The following ZNF136 variants were observed in gnomAD, a reference collection of about 807,000 sequenced individuals.
The protein encoded by ZNF136 is zinc finger protein 136.
A neutral mutation model predicts 11.4 loss-of-function variants in ZNF136; 8 were observed. The ratio of observed to expected loss-of-function variants is 0.70; its 90% CI spans 0.41 to 1.27. The LOEUF (loss-of-function observed/expected upper bound fraction) is 1.27. ZNF136 is among the 50% of genes most tolerant of loss of function. The pLI is 0.01. For missense variants in ZNF136, 590 were observed against 656.5 expected (o/e 0.90, Z 1.11); for synonymous variants, 190 against 207.1 (o/e 0.92, Z 0.71).
At chr19:12,163,238 G>C (rs1439472506) in intron 1 of ZNF136, 32 bp downstream of exon 1, 4 of 1,374,992 alleles carry the variant, frequency 2.9e-6, no homozygotes, top group Non-Finnish European at 3.8e-6. Flanking sequence ...TCCCGAGACA[G>C]GGAGGAGGGG....
intron 1 of ZNF136, among the ~76,000 whole-genome samples, chr19:12,171,952 T>A (rs527268958): frequency 1.3e-5 from 2 of 151,786 alleles, no homozygotes; most frequent in Admixed American, 6.6e-5. Flanking sequence ...TTTAAAATTT[T>A]AAAATTTTTT....
chr19:12,163,392 C>T (rs895156562), intron 1 of ZNF136, among the ~76,000 whole-genome samples, 186 bp downstream of exon 1: 1 of 152,220 alleles, frequency 6.6e-6, no homozygotes, highest in Non-Finnish European at 1.5e-5. Context: ...GCCGGGACCC[C>T]GGGCGTCCTC....
At chr19:12,182,917 C>T (rs2145639543) in intron 1 of ZNF136, among the ~76,000 whole-genome samples, 1 of 152,140 alleles carries the variant, frequency 6.6e-6, no homozygotes, top group East Asian at 1.9e-4. Flanking sequence ...ATTTTGTCAC[C>T]TTAAGAAGAT....
At chr19:12,171,978 CTTTTTT>C (rs57769136) in intron 1 of ZNF136, among the ~76,000 whole-genome samples, 1 of 129,546 alleles carries the variant, frequency 7.7e-6, no homozygotes. Flanking sequence ...CTCTCTCTCT[CTTTTTT>C]TTTTTTTTTT....
intron 1 of ZNF136, among the ~76,000 whole-genome samples, chr19:12,165,507 A>T (rs900394208): frequency 1.3e-5 from 2 of 152,204 alleles, no homozygotes; most frequent in South Asian, 4.1e-4. Context: ...TCCACATTTT[A>T]AAAATTCTTA....
At chr19:12,172,097 G>A (rs1377677037) in intron 1 of ZNF136, among the ~76,000 whole-genome samples, 2 of 151,016 alleles carry the variant, frequency 1.3e-5, no homozygotes, top group Admixed American at 1.3e-4. Flanking sequence ...CAGTGCTTCA[G>A]CCTTCCGAGT....
chr19:12,172,592 C>A (rs1358091546), intron 1 of ZNF136, among the ~76,000 whole-genome samples: 1 of 152,158 alleles, frequency 6.6e-6, no homozygotes, highest in Non-Finnish European at 1.5e-5. Flanking sequence ...CTGTTCCTAC[C>A]AAGAGAGCCC....
intron 1 of ZNF136, among the ~76,000 whole-genome samples, chr19:12,172,165 G>T (rs1380437736): frequency 6.6e-6 from 1 of 151,882 alleles, no homozygotes; most frequent in African/African-American, 2.4e-5. Flanking sequence ...TTTTAGTAGA[G>T]ACAGGGTTCC....
chr19:12,176,885 G>A (rs540451285), intron 1 of ZNF136, among the ~76,000 whole-genome samples: 6 of 152,260 alleles, frequency 3.9e-5, no homozygotes, highest in Admixed American at 3.9e-4. Flanking sequence ...GAGGGTTTGT[G>A]TGTCTACCTG....
At chr19:12,170,731 G>A (rs1472000273) in intron 1 of ZNF136, among the ~76,000 whole-genome samples, 5 of 151,076 alleles carry the variant, frequency 3.3e-5, no homozygotes, top group South Asian at 2.1e-4. Context: ...GTGCAGTGGC[G>A]CGATCTCAGC....
chr19:12,171,100 G>A (rs1189414043), intron 1 of ZNF136, among the ~76,000 whole-genome samples: 1 of 151,596 alleles, frequency 6.6e-6, no homozygotes, highest in African/African-American at 2.4e-5. Context: ...CTCCCAAAGT[G>A]CTGGGATTAC....
Position 12,187,661 on chromosome 19 carries a change from C to T in ZNF136, c.1283C>T (p.Ala428Val). Residue 428 changes from alanine to valine, a missense_variant, in exon 4 of 4, where the codon GCT (alanine) becomes GTT (valine). Physicochemically the swap from Ala to Val is moderately conservative, Grantham distance 64. Transcript: ENST00000343979. ...KPYVCKHCGKAFVSSTSIRIH... is the reference protein window; with the variant it reads ...KPYVCKHCGKVFVSSTSIRIH... Reference sequence around the variant, plus strand: ...TATGTATGTAAACATTGTGGTAAAGCTTTCGTTTCTTCAACATCAATTCGA... The same window carrying T: ...TATGTATGTAAACATTGTGGTAAAGTTTTCGTTTCTTCAACATCAATTCGA... 1 of 1,614,100 alleles carries T rather than the reference C, an allele frequency of 6.2e-7. No homozygotes were observed. The highest frequency in any genetic ancestry group is 2.2e-5 in the East Asian group (1 of 44,878).
chr19:12,172,764 A>G (rs1914691925), intron 1 of ZNF136, among the ~76,000 whole-genome samples: 2 of 152,186 alleles, frequency 1.3e-5, no homozygotes, highest in Admixed American at 1.3e-4. Flanking sequence ...CTGTAATCCC[A>G]GTACTGTGGG....
At chr19:12,175,260 T>A (rs1467523099) in intron 1 of ZNF136, among the ~76,000 whole-genome samples, 1 of 151,834 alleles carries the variant, frequency 6.6e-6, no homozygotes, top group East Asian at 1.9e-4. Flanking sequence ...AGTGATGCTA[T>A]CTTGGCTCAC....
chr19:12,186,669 T>A lies in ZNF136; in HGVS notation c.291T>A (p.Pro97=). ...FANQNLSKKI[P]GVKLCESIVY... is the part of the protein sequence containing the mutation. ...ATCAGAATCTGAGCAAGAAAATCCCTGGAGTGAAACTCTGTGAAAGCATTG... is the reference window on the plus strand; with the variant it reads ...ATCAGAATCTGAGCAAGAAAATCCCAGGAGTGAAACTCTGTGAAAGCATTG... The change falls in exon 4 of 4, where the codon CCT becomes CCA. Residue 97 remains proline (P), a synonymous_variant. Transcript: ENST00000343979. 6.2e-7 allele frequency: 1 copy of A among 1,614,174 alleles called. No homozygotes were observed. Among genetic ancestry groups the A allele is most frequent in the Non-Finnish European group, 8.5e-7 (1 of 1,180,008 alleles).
chr19:12,178,460 A>G (rs1262430771), intron 1 of ZNF136, among the ~76,000 whole-genome samples: 1 of 152,170 alleles, frequency 6.6e-6, no homozygotes, highest in Non-Finnish European at 1.5e-5. Flanking sequence ...TCACAGCTGA[A>G]TCCCTGAGTT....
Position 12,186,936 on chromosome 19 carries a change from C to T in ZNF136, c.558C>T (p.His186=), listed in dbSNP as rs1489658823. The change falls in exon 4 of 4, where the codon CAC becomes CAT. Residue 186 remains histidine, a synonymous_variant. Coordinates refer to ENST00000343979, the MANE Select transcript of ZNF136 (RefSeq NM_003437.5). ...TFFSLKRIRR[H]IITHSGYTPY... ...TTTCTCTCAAAAGAATTAGAAGACA[C>T]ATCATCACACACAGTGGATATACAC... is the stretch of plus-strand genomic sequence containing the variant. 1.9e-6 allele frequency: 3 copies of T among 1,613,962 alleles called. No homozygotes were observed. Among genetic ancestry groups the T allele is most frequent in the Non-Finnish European group, 2.5e-6 (3 of 1,179,976 alleles).
intron 1 of ZNF136, among the ~76,000 whole-genome samples, chr19:12,182,751 G>C (rs992200791): frequency 5.9e-5 from 9 of 152,252 alleles, no homozygotes; most frequent in Admixed American, 5.2e-4. Flanking sequence ...ACTTAGGCAT[G>C]GGGGTGGGGG....
intron 1 of ZNF136, among the ~76,000 whole-genome samples, chr19:12,181,085 G>C (rs950890035): frequency 2.0e-5 from 3 of 152,194 alleles, no homozygotes; most frequent in African/African-American, 7.2e-5. Flanking sequence ...TCTTGAGCTG[G>C]CTGCATTACC....
Sources: allele counts gnomAD v4.1 joint callset (sites outside exome capture counted in the v4.1 genomes callset), GRCh38; gene constraint gnomAD v4.1.1; transcripts MANE v1.5; gene names NCBI Gene and HGNC (gene_info 2026-07-23, HGNC 2026-07-21).